Variants in C10orf71 observed in about 807,000 individuals in gnomAD.
C10orf71 encodes the protein chromosome 10 open reading frame 71.
For synonymous variants in C10orf71, 758 were observed against 726.3 expected (o/e 1.04, Z -0.70); for missense variants, 1,869 against 1,804.5 (o/e 1.04, Z -0.65).
rs768597054 is a variant in C10orf71, at chr10:49,326,993, T to C, written c.*140T>C. On this transcript the variant is annotated 3_prime_UTR_variant, in exon 3 of 3. Coordinates refer to ENST00000374144, the MANE Select transcript of C10orf71 (RefSeq NM_001135196.2). Reference sequence around the variant, plus strand: ...TCAACACATACTTAGCCTTTTTAGATCCATAAAGTCCAGAAGGCAGTAGGG... The same window carrying C: ...TCAACACATACTTAGCCTTTTTAGACCCATAAAGTCCAGAAGGCAGTAGGG... 2.5e-6 allele frequency: 4 copies of C among 1,576,852 alleles called. No homozygotes were observed. The highest frequency in any genetic ancestry group is 3.4e-6 in the Non-Finnish European group (4 of 1,163,240).
rs1375835115 is a variant in C10orf71 at position 49,325,376 on chromosome 10, T to C, written c.2831T>C (p.Met944Thr). 1.9e-6 allele frequency: 3 copies of C among 1,551,430 alleles called. No individual in the cohort carries two copies. The highest frequency in any genetic ancestry group is 2.6e-6 in the Non-Finnish European group (3 of 1,146,886). Reference sequence around the variant, plus strand: ...GAGGACCCTGGGCAGGGGTCGAGCATGGCCAGGATGGAGGCCTCTCAGCCA... The same window carrying C: ...GAGGACCCTGGGCAGGGGTCGAGCACGGCCAGGATGGAGGCCTCTCAGCCA... Reference protein sequence around the residue: ...VMEDPGQGSSMARMEASQPAP... With the variant: ...VMEDPGQGSSTARMEASQPAP... The change falls in exon 3 of 3, where the codon ATG becomes ACG. Residue 944 changes from methionine to threonine, a missense_variant. By Grantham distance (81) the Met-to-Thr change is moderately conservative. Transcript: ENST00000374144.
chr10:49,324,622 T>C lies in C10orf71; in HGVS notation c.2077T>C (p.Leu693=), dbSNP rs895161958. The stretch of plus-strand genomic sequence containing the variant: ...GGAAGCAGGACTTCAGAACACACAT[T>C]TGAACCAGAAATTCTTCCCAGGGCC... The part of the protein sequence containing the change: ...EREAGLQNTH[L]NQKFFPGPLS... The change falls in exon 3 of 3, where the codon TTG becomes CTG. Residue 693 remains leucine (L), a synonymous_variant. Transcript: ENST00000374144. 7 of 1,613,688 alleles carry C rather than the reference T, an allele frequency of 4.3e-6. No individual in the cohort carries two copies. The highest frequency in any genetic ancestry group is 4.0e-5 in the African/African-American group (3 of 74,856).
intron 1 of C10orf71, among the ~76,000 whole-genome samples, chr10:49,312,812 T>G (rs1223855801): frequency 6.6e-6 from 1 of 152,176 alleles, no homozygotes; most frequent in Non-Finnish European, 1.5e-5. Context: ...TTTACATATT[T>G]GAGGGGTTTT....
chr10:49,326,397 G>A lies in C10orf71; in HGVS notation c.3852G>A (p.Glu1284=), dbSNP rs561450986. ...QKVLQDPQSG[E]YFVFDLPLQV... is the part of the protein sequence containing the mutation. ...TCCTCCAGGATCCGCAGTCCGGGGA[G>A]TACTTTGTCTTCGACTTGCCACTCC... The change falls in exon 3 of 3, where the codon GAG becomes GAA. Residue 1284 remains glutamate, a synonymous_variant. Coordinates refer to ENST00000374144, the MANE Select transcript of C10orf71 (RefSeq NM_001135196.2). 7.0e-4 allele frequency: 1,093 copies of A among 1,550,584 alleles called. 9 individuals carry two copies. Among genetic ancestry groups the A allele is most frequent in the Middle Eastern group, 2.0e-3 (12 of 5,992 alleles).
At chr10:49,316,724 G>A (rs544597352) in intron 2 of C10orf71, among the ~76,000 whole-genome samples, 33 of 152,198 alleles carry the variant, frequency 2.2e-4, no homozygotes, top group Non-Finnish European at 4.3e-4. Context: ...CCACCAGCAA[G>A]GAAGCCTGAG....
Position 49,323,750 on chromosome 10 carries a change from C to T in C10orf71, c.1205C>T (p.Thr402Ile). 6.2e-7 allele frequency: 1 copy of T among 1,613,972 alleles called. No homozygotes were observed. The highest frequency in any genetic ancestry group is 8.5e-7 in the Non-Finnish European group (1 of 1,179,878). Reference protein sequence around the residue: ...ESLQDTLEEKTQTNQRGPPLY... With the variant: ...ESLQDTLEEKIQTNQRGPPLY... ...CTACAAGATACTTTAGAAGAAAAGA[C>T]ACAGACCAACCAGAGAGGCCCACCT... is the stretch of plus-strand genomic sequence containing the variant. The change falls in exon 3 of 3, where the codon ACA becomes ATA. Residue 402 changes from threonine to isoleucine, a missense_variant. Coordinates refer to ENST00000374144, the MANE Select transcript of C10orf71 (RefSeq NM_001135196.2).
At position 49,325,721 on chromosome 10, in the gene C10orf71, C is replaced by G; in HGVS notation, c.3176C>G (p.Pro1059Arg). The G allele has an allele frequency of 1.3e-6, 2 of 1,551,628 alleles. No individual in the cohort carries two copies. Among genetic ancestry groups the G allele is most frequent in the Non-Finnish European group, 1.7e-6 (2 of 1,146,934 alleles). ...AGTGAGAGGGCGAATTCCCCCAACCCCGGCTCCCCCGGGGAGAGCAGTGCC... is the reference window on the plus strand; with the variant it reads ...AGTGAGAGGGCGAATTCCCCCAACCGCGGCTCCCCCGGGGAGAGCAGTGCC... ...VPSERANSPN[P>R]GSPGESSACS... is the part of the protein sequence containing the mutation. Residue 1059 changes from proline (P) to arginine (R), a missense_variant, in exon 3 of 3, where the codon CCC becomes CGC. Transcript: ENST00000374144.
In C10orf71 at chr10:49,326,409, C is replaced by T. The variant is rs1282060119; in HGVS notation, c.3864C>T (p.Phe1288=). The T allele has an allele frequency of 2.6e-6, 4 of 1,550,532 alleles. No homozygotes were observed. Among genetic ancestry groups the T allele is most frequent in the Non-Finnish European group, 3.5e-6 (4 of 1,146,900 alleles). ...CGCAGTCCGGGGAGTACTTTGTCTT[C>T]GACTTGCCACTCCAGGTGAAAATCA... ...QDPQSGEYFV[F]DLPLQVKIKT... The change falls in exon 3 of 3, where the codon TTC becomes TTT. Residue 1288 remains phenylalanine (F), a synonymous_variant. Transcript: ENST00000374144.
rs774355756 is a variant in C10orf71 at position 49,325,986 on chromosome 10, C to A, written c.3441C>A (p.Ala1147=). 3.4e-5 allele frequency: 53 copies of A among 1,551,580 alleles called. No homozygotes were observed. In the South Asian group the frequency reaches 5.7e-4, roughly 17 times the overall value. The change falls in exon 3 of 3, where the codon GCC becomes GCA. Residue 1147 remains alanine, a synonymous_variant. Transcript: ENST00000374144. The part of the protein sequence containing the change: ...LSPRGSLLDV[A]TSPAGTSGRL... ...CAAGAGGTTCATTGCTGGATGTGGC[C>A]ACCAGCCCAGCAGGCACCTCTGGGA...
chr10:49,302,503 G>A (rs1385252073), intron 1 of C10orf71, among the ~76,000 whole-genome samples: 1 of 152,224 alleles, frequency 6.6e-6, no homozygotes, highest in Non-Finnish European at 1.5e-5. Flanking sequence ...CAAAGTTTTG[G>A]AGTATCTGGT....
rs770192781 is a variant in C10orf71, at chr10:49,325,695, C to T, written c.3150C>T (p.Pro1050=). Residue 1050 remains proline (P), a synonymous_variant, in exon 3 of 3, where the codon CCC becomes CCT. Transcript: ENST00000374144. ...RAGPPGRRLV[P]SERANSPNPG... Reference sequence around the variant, plus strand: ...GGCCCCCTGGCAGAAGACTGGTCCCCAGTGAGAGGGCGAATTCCCCCAACC... The same window carrying T: ...GGCCCCCTGGCAGAAGACTGGTCCCTAGTGAGAGGGCGAATTCCCCCAACC... 13 of 1,551,760 alleles carry T rather than the reference C, an allele frequency of 8.4e-6. No individual in the cohort carries two copies. The South Asian group carries it at 1.5e-4, about 18-fold the overall frequency.
chr10:49,320,236 G>T (rs1467740064), intron 2 of C10orf71, among the ~76,000 whole-genome samples: 3 of 152,198 alleles, frequency 2.0e-5, no homozygotes, highest in Middle Eastern at 3.2e-3. Flanking sequence ...TGTTGCTGGA[G>T]CCCAGTCAGA....
intron 1 of C10orf71, among the ~76,000 whole-genome samples, chr10:49,300,756 A>G (rs1166076468): frequency 2.0e-5 from 3 of 152,326 alleles, no homozygotes; most frequent in African/African-American, 7.2e-5. Flanking sequence ...CAAGTCCAAC[A>G]CACATCTGCC....
rs1212385030 is a variant in C10orf71 at position 49,323,669 on chromosome 10, A to G, written c.1124A>G (p.Lys375Arg). The part of the protein sequence containing the change: ...APSSQPDSQE[K>R]PAQPPWRKPK... Reference sequence around the variant, plus strand: ...AGCTCACAACCTGATTCTCAAGAGAAGCCAGCCCAGCCCCCATGGAGGAAG... The same window carrying G: ...AGCTCACAACCTGATTCTCAAGAGAGGCCAGCCCAGCCCCCATGGAGGAAG... The change falls in exon 3 of 3, where the codon AAG becomes AGG. Residue 375 changes from lysine to arginine, a missense_variant. Physicochemically the swap from Lys to Arg is conservative, Grantham distance 26. Coordinates refer to ENST00000374144, the MANE Select transcript of C10orf71 (RefSeq NM_001135196.2). 1 of 1,610,844 alleles carries G rather than the reference A, an allele frequency of 6.2e-7. No homozygotes were observed. The highest frequency in any genetic ancestry group is 2.2e-5 in the East Asian group (1 of 44,866).
At position 49,325,949 on chromosome 10, in the gene C10orf71, G is replaced by A. The variant is rs1161988051; in HGVS notation, c.3404G>A (p.Arg1135Gln). 1.3e-6 allele frequency: 2 copies of A among 1,551,616 alleles called. No homozygotes were observed. Among genetic ancestry groups the A allele is most frequent in the Non-Finnish European group, 1.7e-6 (2 of 1,146,952 alleles). ...CTTGAGCTGTCGGCAGAAGACCTCC[G>A]GACCCTCTCTCCAAGAGGTTCATTG... ...PLLELSAEDLRTLSPRGSLLD... is the reference protein window; with the variant it reads ...PLLELSAEDLQTLSPRGSLLD... The change falls in exon 3 of 3, where the codon CGG becomes CAG. Residue 1135 changes from arginine (R) to glutamine (Q), a missense_variant. Coordinates refer to ENST00000374144, the MANE Select transcript of C10orf71 (RefSeq NM_001135196.2).
intron 1 of C10orf71, among the ~76,000 whole-genome samples, chr10:49,308,916 G>C (rs1848863479): frequency 1.3e-4 from 20 of 152,224 alleles, no homozygotes; most frequent in Admixed American, 1.3e-3. Context: ...TGGGGCCAGA[G>C]AGCAGGGCAC....
At chr10:49,300,076 G>A (rs984392373) in intron 1 of C10orf71, among the ~76,000 whole-genome samples, 6 of 152,172 alleles carry the variant, frequency 3.9e-5, no homozygotes, top group Non-Finnish European at 8.8e-5. Context: ...GAACGGCAGT[G>A]GTCAATGTGT....
chr10:49,323,147 A>G lies in C10orf71; in HGVS notation c.602A>G (p.Glu201Gly). The G allele has an allele frequency of 1.2e-6, 2 of 1,613,950 alleles. No individual in the cohort carries two copies. Among genetic ancestry groups the G allele is most frequent in the Non-Finnish European group, 1.7e-6 (2 of 1,179,862 alleles). The change falls in exon 3 of 3, where the codon GAA becomes GGA. Residue 201 changes from glutamate (E) to glycine (G), a missense_variant. By Grantham distance (98) the Glu-to-Gly change is moderately conservative. Transcript: ENST00000374144. ...AFLTVRRVPA[E>G]VSNTHQNSYQ... is the part of the protein sequence containing the mutation. ...CTGACAGTCAGGAGGGTGCCCGCTG[A>G]AGTTTCCAACACCCATCAGAACAGC...
intron 1 of C10orf71, among the ~76,000 whole-genome samples, chr10:49,308,934 G>A (rs1046406647): frequency 1.3e-5 from 2 of 152,236 alleles, no homozygotes; most frequent in Middle Eastern, 3.2e-3. Flanking sequence ...CACAGAGGCC[G>A]AGGACTGGGT....
Sources: allele counts gnomAD v4.1 joint callset (sites outside exome capture counted in the v4.1 genomes callset), GRCh38; gene constraint gnomAD v4.1.1; transcripts MANE v1.5; gene names NCBI Gene and HGNC (gene_info 2026-07-23, HGNC 2026-07-21).